TSPAN2: variants seen among roughly 807,000 people sequenced by gnomAD.
The protein encoded by TSPAN2 is tetraspanin-2.
In TSPAN2, 24 loss-of-function variants were observed where a neutral mutation model predicts 33.3. The ratio of observed to expected loss-of-function variants is 0.72; its 90% CI spans 0.52 to 1.01. TSPAN2 has a LOEUF of 1.01. TSPAN2 is among the 50% of genes least tolerant of loss of function. The pLI is 0.00. For synonymous variants in TSPAN2, 114 were observed against 104.5 expected (o/e 1.09, Z -0.56); for missense variants, 278 against 281.3 (o/e 0.99, Z 0.08).
At chr1:115,065,563 C>T (rs1486540034) in intron 2 of TSPAN2, among the ~76,000 whole-genome samples, 2 of 152,148 alleles carry the variant, frequency 1.3e-5, no homozygotes. Flanking sequence ...CAAGTACTTT[C>T]CCTGGGACAC....
In TSPAN2 at chr1:115,072,902, C is replaced by A; in HGVS notation, c.172+3G>T. On this transcript the variant is annotated splice_donor_region_variant and intron_variant, in intron 2 of 7. Transcript: ENST00000369516. ...TGGAGCTTAGGAAGCTGGAGTCACT[C>A]ACCCACATAGAAATACTCTGGGGAC... 6.2e-7 allele frequency: 1 copy of A among 1,610,570 alleles called. No individual in the cohort carries two copies. Among genetic ancestry groups the A allele is most frequent in the Non-Finnish European group, 8.5e-7 (1 of 1,176,770 alleles).
intron 1 of TSPAN2, among the ~76,000 whole-genome samples, chr1:115,079,255 C>T (rs558216932): frequency 6.6e-6 from 1 of 152,178 alleles, no homozygotes; most frequent in African/African-American, 2.4e-5. Context: ...ATTTGCAATT[C>T]TCTTCTTTGG....
At chr1:115,059,960 C>T (rs1258404129) in intron 4 of TSPAN2, among the ~76,000 whole-genome samples, 1 of 152,200 alleles carries the variant, frequency 6.6e-6, no homozygotes, top group African/African-American at 2.4e-5. Flanking sequence ...AGAAAGGCTA[C>T]TTCCTCTGTG....
chr1:115,048,310 T>G lies in TSPAN2; in HGVS notation c.*2180A>C, dbSNP rs1442823319. On this transcript the variant is annotated 3_prime_UTR_variant, in exon 8 of 8. Transcript: ENST00000369516. ...TATTATATGTGTGTCTATACAGATATATATATATATATATTCATCTTTCTG... is the reference window on the plus strand; with the variant it reads ...TATTATATGTGTGTCTATACAGATAGATATATATATATATTCATCTTTCTG... The G allele has an allele frequency of 7.0e-6, 1 of 143,012 alleles. No homozygotes were observed. Among genetic ancestry groups the G allele is most frequent in the African/African-American group, 2.6e-5 (1 of 38,908 alleles). 8.9% of individuals were successfully genotyped at this position (143,012 alleles called of 1,614,324 possible).
chr1:115,052,183 T>C (rs1675333418), intron 7 of TSPAN2, among the ~76,000 whole-genome samples: 1 of 152,132 alleles, frequency 6.6e-6, no homozygotes, highest in Non-Finnish European at 1.5e-5. Context: ...CTGAGAAATG[T>C]CCCTTGATTT....
At chr1:115,055,261 G>A (rs1202243796) in intron 6 of TSPAN2, among the ~76,000 whole-genome samples, 3 of 151,644 alleles carry the variant, frequency 2.0e-5, no homozygotes, top group African/African-American at 7.3e-5. Context: ...AAAAACAAAT[G>A]TACAAAAGGT....
chr1:115,068,414 G>A (rs981461087), intron 2 of TSPAN2, among the ~76,000 whole-genome samples: 2 of 152,232 alleles, frequency 1.3e-5, no homozygotes, highest in African/African-American at 4.8e-5. Context: ...ACCTAGACAA[G>A]TGTGTCTTCC....
At chr1:115,071,751 C>T (rs897582742) in intron 2 of TSPAN2, among the ~76,000 whole-genome samples, 3 of 152,204 alleles carry the variant, frequency 2.0e-5, no homozygotes, top group African/African-American at 7.2e-5. Context: ...AGGTTTTCTG[C>T]TACTCTCCTC....
intron 2 of TSPAN2, among the ~76,000 whole-genome samples, chr1:115,069,399 C>A (rs1286347): frequency 0.27 from 41,756 of 152,120 alleles, 6,171 homozygotes; most frequent in African/African-American, 0.34. Context: ...AGGATGGGCA[C>A]GAGGTCCAAT....
chr1:115,063,427 T>C (rs1044794294), intron 2 of TSPAN2, among the ~76,000 whole-genome samples: 5 of 152,140 alleles, frequency 3.3e-5, no homozygotes, highest in Non-Finnish European at 7.4e-5. Context: ...ATAACAGATG[T>C]TGGCAAGGCT....
chr1:115,050,363 A>C lies in TSPAN2; in HGVS notation c.*127T>G, dbSNP rs1201849983. ...TGAGCCAAACATACGTACTCATGCAAATGTACAATTGACAGCAAATTATTT... is the reference window on the plus strand; with the variant it reads ...TGAGCCAAACATACGTACTCATGCACATGTACAATTGACAGCAAATTATTT... On this transcript the variant is annotated 3_prime_UTR_variant, in exon 8 of 8. Coordinates refer to ENST00000369516, the MANE Select transcript of TSPAN2 (RefSeq NM_005725.6). 2 of 861,178 alleles carry C rather than the reference A, an allele frequency of 2.3e-6. No homozygotes were observed. Among genetic ancestry groups the C allele is most frequent in the African/African-American group, 3.4e-5 (2 of 59,412 alleles). The allele number at this position is 861,178 out of a possible 1,614,324, so 53.3% of individuals were successfully genotyped here.
chr1:115,089,362 A>G lies in TSPAN2; in HGVS notation c.69+2T>C, dbSNP rs748316747. On this transcript the variant is annotated splice_donor_variant, in intron 1 of 7. Transcript: ENST00000369516. LOFTEE classifies it high-confidence loss of function. ...ACCGGCCCTCCCGGCTCCTGGTCTC[A>G]CCCAGAAGAGCAGGTTGAAGCCAAG... is the stretch of plus-strand genomic sequence containing the variant. The G allele has an allele frequency of 3.2e-6, 5 of 1,583,390 alleles. No individual in the cohort carries two copies. Among genetic ancestry groups the G allele is most frequent in the Non-Finnish European group, 4.3e-6 (5 of 1,166,144 alleles).
intron 1 of TSPAN2, among the ~76,000 whole-genome samples, chr1:115,074,493 C>A (rs1204563087): frequency 2.6e-5 from 4 of 151,934 alleles, no homozygotes; most frequent in Non-Finnish European, 5.9e-5. Flanking sequence ...GAGGAAAGCA[C>A]TAATTGGATA....
intron 7 of TSPAN2, among the ~76,000 whole-genome samples, chr1:115,052,816 C>G (rs1557875313): frequency 6.6e-6 from 1 of 152,182 alleles, no homozygotes; most frequent in Non-Finnish European, 1.5e-5. Context: ...ATTTGTAATA[C>G]TACTGTATAT....
chr1:115,081,438 T>A (rs1218013117), intron 1 of TSPAN2, among the ~76,000 whole-genome samples: 1 of 152,258 alleles, frequency 6.6e-6, no homozygotes, highest in East Asian at 1.9e-4. Flanking sequence ...ATCTGCCAAC[T>A]GTTCTTCTAG....
chr1:115,054,591 A>C (rs1301656640), intron 6 of TSPAN2, among the ~76,000 whole-genome samples: 1 of 152,198 alleles, frequency 6.6e-6, no homozygotes, highest in African/African-American at 2.4e-5. Context: ...CTATACACTT[A>C]GATGCTCCCT....
chr1:115,076,638 G>C (rs1391757635), intron 1 of TSPAN2, among the ~76,000 whole-genome samples: 1 of 152,166 alleles, frequency 6.6e-6, no homozygotes, highest in Non-Finnish European at 1.5e-5. Flanking sequence ...ATTACAACTA[G>C]AAACATTGTT....
At chr1:115,060,640 T>A in intron 3 of TSPAN2, 102 bp from the exon 4 acceptor site, 1 of 851,666 alleles carries the variant, frequency 1.2e-6, no homozygotes, top group Non-Finnish European at 1.9e-6. Flanking sequence ...CGCTTTCATG[T>A]GGTTCATTCA....
chr1:115,057,706 CA>C (rs1346070572), intron 5 of TSPAN2, 98 bp from the exon 6 acceptor site: 1 of 1,103,036 alleles, frequency 9.1e-7, no homozygotes, highest in African/African-American at 1.5e-5. Context: ...GGCGGCAAAG[CA>C]GCTCCGAGGC....
Sources: allele counts gnomAD v4.1 joint callset (sites outside exome capture counted in the v4.1 genomes callset), GRCh38; gene constraint gnomAD v4.1.1; transcripts MANE v1.5; gene names NCBI Gene and HGNC (gene_info 2026-07-23, HGNC 2026-07-21).